Variants in KMT2E observed in about 807,000 individuals in gnomAD.
KMT2E encodes lysine methyltransferase 2E (inactive), also known as histone reader KMT2E.
In KMT2E, 30 loss-of-function variants were observed where a neutral mutation model predicts 184.6. The observed-to-expected ratio is 0.16, with a 90% confidence interval of 0.12 to 0.22. The LOEUF (loss-of-function observed/expected upper bound fraction) is 0.22. KMT2E is among the 10% of genes least tolerant of loss of function. The pLI is 1.00. For synonymous variants in KMT2E, 815 were observed against 776.5 expected (o/e 1.05, Z -0.82); for missense variants, 2,023 against 2,237.4 (o/e 0.90, Z 1.93).
chr7:105,109,506 C>T (rs951490785), intron 23 of KMT2E, among the ~76,000 whole-genome samples: 1 of 152,180 alleles, frequency 6.6e-6, no homozygotes, highest in African/African-American at 2.4e-5. Flanking sequence ...TCCTTTATAA[C>T]CCCTACCAGT....
At chr7:105,035,105 C>T (rs576627712) in intron 1 of KMT2E, among the ~76,000 whole-genome samples, 5 of 149,788 alleles carry the variant, frequency 3.3e-5, no homozygotes, top group South Asian at 4.2e-4. Flanking sequence ...GCTCACTGCA[C>T]GCTCCGCCTC....
chr7:105,016,775 A>T (rs752060125), intron 1 of KMT2E, among the ~76,000 whole-genome samples: 2 of 152,158 alleles, frequency 1.3e-5, no homozygotes, highest in African/African-American at 4.8e-5. Flanking sequence ...CTGTTTCATG[A>T]TTCTTTTATT....
intron 5 of KMT2E, among the ~76,000 whole-genome samples, chr7:105,065,962 A>C (rs138291187): frequency 1.3e-3 from 194 of 152,330 alleles, no homozygotes; most frequent in African/African-American, 4.4e-3. Flanking sequence ...TATTCTATTA[A>C]AAGTAATTAG....
chr7:105,042,336 T>C (rs539835674), intron 3 of KMT2E, among the ~76,000 whole-genome samples: 3 of 150,820 alleles, frequency 2.0e-5, no homozygotes, highest in Admixed American at 2.0e-4. Context: ...TTCATTTGTT[T>C]CGTACTTAAT....
intron 13 of KMT2E, among the ~76,000 whole-genome samples, chr7:105,087,966 A>G (rs1001830219): frequency 2.0e-5 from 3 of 151,258 alleles, no homozygotes; most frequent in South Asian, 2.1e-4. Flanking sequence ...TAAAATGTTC[A>G]TTATGTTTTC....
chr7:105,081,853 CTG>C, intron 13 of KMT2E, 56 bp downstream of exon 13: 1 of 731,504 alleles, frequency 1.4e-6, no homozygotes, highest in South Asian at 1.8e-5. Flanking sequence ...CATAATGTCC[CTG>C]TAATAATTTA....
intron 15 of KMT2E, among the ~76,000 whole-genome samples, chr7:105,092,512 T>G (rs918119304): frequency 6.6e-6 from 1 of 152,204 alleles, no homozygotes; most frequent in Non-Finnish European, 1.5e-5. Context: ...CTGAAAACTA[T>G]AAAGAACTGT....
At chr7:105,049,726 A>G (rs1796250621) in intron 3 of KMT2E, among the ~76,000 whole-genome samples, 1 of 152,054 alleles carries the variant, frequency 6.6e-6, no homozygotes, top group Non-Finnish European at 1.5e-5. Flanking sequence ...CCCCATGTCT[A>G]CTAAAAATAC....
chr7:105,032,843 T>C (rs1795483185), intron 1 of KMT2E, among the ~76,000 whole-genome samples: 1 of 152,246 alleles, frequency 6.6e-6, no homozygotes, highest in Non-Finnish European at 1.5e-5. Flanking sequence ...TACAATAAGC[T>C]TTAACACTAT....
At chr7:105,100,748 C>T (rs1239542841) in intron 15 of KMT2E, among the ~76,000 whole-genome samples, 1 of 152,128 alleles carries the variant, frequency 6.6e-6, no homozygotes, top group Non-Finnish European at 1.5e-5. Flanking sequence ...AGAACGCCCA[C>T]CATTTTCCAA....
rs2129569912 is a variant in KMT2E, at chr7:105,107,674, A to G, written c.3217A>G (p.Arg1073Gly). Reference sequence around the variant, plus strand: ...TTCTTCCTGGGTAAAGAGCCCTGACAGAACAGGAGTTAACTTCTCAGTGAA... The same window carrying G: ...TTCTTCCTGGGTAAAGAGCCCTGACGGAACAGGAGTTAACTTCTCAGTGAA... Reference protein sequence around the residue: ...MYSSWVKSPDRTGVNFSVNSN... With the variant: ...MYSSWVKSPDGTGVNFSVNSN... Residue 1073 changes from arginine to glycine, a missense_variant, in exon 22 of 27, where the codon AGA becomes GGA. Physicochemically the swap from Arg to Gly is moderately radical, Grantham distance 125 (BLOSUM62 -2). This residue lies in a region of KMT2E where 1,108 missense variants were observed against 1,050.9 expected (regional missense o/e 1.05). Transcript: ENST00000311117. 1.9e-6 allele frequency: 3 copies of G among 1,614,194 alleles called. No homozygotes were observed. The highest frequency in any genetic ancestry group is 2.2e-5 in the East Asian group (1 of 44,864).
chr7:105,090,171 G>C lies in KMT2E; in HGVS notation c.1521G>C (p.Gln507His). 3 of 1,612,946 alleles carry C rather than the reference G, an allele frequency of 1.9e-6. No individual in the cohort carries two copies. Among genetic ancestry groups the C allele is most frequent in the Non-Finnish European group, 2.5e-6 (3 of 1,179,640 alleles). Residue 507 changes from glutamine to histidine, a missense_variant, in exon 14 of 27, where the codon CAG becomes CAC. Around this residue, in one of 8 missense-constraint regions of KMT2E, gnomAD observed 514 missense variants for 621.8 expected, o/e 0.83. Transcript: ENST00000311117. ...DISKEKDTQNQNITLDCEGTT... is the reference protein window; with the variant it reads ...DISKEKDTQNHNITLDCEGTT... ...CAAAAGAAAAAGATACACAAAATCA[G>C]AATATTACTTTGGATTGTGAAGGAA...
At chr7:105,072,278 A>G (rs34144518) in intron 6 of KMT2E, among the ~76,000 whole-genome samples, 1 of 152,186 alleles carries the variant, frequency 6.6e-6, no homozygotes, top group African/African-American at 2.4e-5. Context: ...AGGTCGCACC[A>G]CGGAACTCCA....
In KMT2E at chr7:105,112,651, C is replaced by T. The variant is rs760424384; in HGVS notation, c.4895C>T (p.Pro1632Leu). The change falls in exon 27 of 27, where the codon CCA becomes CTA. Residue 1632 changes from proline (P) to leucine (L), a missense_variant. By Grantham distance (98) the Pro-to-Leu change is moderately conservative (BLOSUM62 -3). Transcript: ENST00000311117. The part of the protein sequence containing the change: ...AAAVVPPPPP[P>L]PPAPGPHLVQ... The stretch of plus-strand genomic sequence containing the variant: ...GCCGTAGTCCCCCCTCCTCCTCCAC[C>T]ACCACCTGCTCCAGGACCGCACCTT... 3.1e-6 allele frequency: 5 copies of T among 1,614,024 alleles called. No individual in the cohort carries two copies. The Admixed American group carries it at 6.7e-5, about 22-fold the overall frequency.
chr7:105,067,771 G>T (rs1184637293), intron 6 of KMT2E, among the ~76,000 whole-genome samples: 1 of 152,134 alleles, frequency 6.6e-6, no homozygotes, highest in Non-Finnish European at 1.5e-5. Context: ...AGGAGTTCGA[G>T]ACCAGCTTGG....
At chr7:105,029,426 T>G (rs1193994983) in intron 1 of KMT2E, among the ~76,000 whole-genome samples, 1 of 152,208 alleles carries the variant, frequency 6.6e-6, no homozygotes, top group Non-Finnish European at 1.5e-5. Context: ...TAAAATAGAA[T>G]AGTTGTACTC....
chr7:105,017,588 T>C (rs1056702975), intron 1 of KMT2E, among the ~76,000 whole-genome samples: 1 of 152,064 alleles, frequency 6.6e-6, no homozygotes, highest in African/African-American at 2.4e-5. Context: ...GTTAGGATTG[T>C]CTAGGCAAAT....
chr7:105,068,272 A>G (rs1797125208), intron 6 of KMT2E, among the ~76,000 whole-genome samples: 1 of 150,862 alleles, frequency 6.6e-6, no homozygotes, highest in African/African-American at 2.4e-5. Context: ...TTTTTTTTTT[A>G]ATAAGACTAT....
intron 3 of KMT2E, among the ~76,000 whole-genome samples, chr7:105,045,134 C>T (rs1389585593): frequency 6.6e-6 from 1 of 152,202 alleles, no homozygotes; most frequent in Admixed American, 6.5e-5. Context: ...ATTAATTCTT[C>T]CACCTGCTAT....
Sources: allele counts gnomAD v4.1 joint callset (sites outside exome capture counted in the v4.1 genomes callset), GRCh38; gene constraint gnomAD v4.1.1; regional missense constraint gnomAD v4.1.1; transcripts MANE v1.5; gene names NCBI Gene and HGNC (gene_info 2026-07-23, HGNC 2026-07-21).